The following NCOA2 variants were observed in gnomAD, a reference collection of about 807,000 sequenced individuals.
The protein encoded by NCOA2 is nuclear receptor coactivator 2, also known as class E basic helix-loop-helix protein 75.
In NCOA2, 21 loss-of-function variants were observed where a neutral mutation model predicts 145.1. The ratio of observed to expected loss-of-function variants is 0.14; its 90% CI spans 0.10 to 0.21. The LOEUF is 0.21. Ranked by LOEUF, NCOA2 falls within the 10% of genes least tolerant of loss-of-function variation. The probability of loss-of-function intolerance (pLI) is 1.00; values close to 1 mark genes in which losing one functional copy is unlikely to be tolerated. For missense variants in NCOA2, 1,472 were observed against 1,837.6 expected (o/e 0.80, Z 3.64); for synonymous variants, 619 against 637.5 (o/e 0.97, Z 0.44).
chr8:70,214,193 AG>A (rs1819347444), intron 3 of NCOA2, 118 bp from the exon 4 acceptor site: 2 of 964,030 alleles, frequency 2.1e-6, no homozygotes, highest in Admixed American at 5.4e-5. Context: ...ATATAAACAC[AG>A]AAATACTTTT....
chr8:70,349,343 G>C (rs1268012128), intron 1 of NCOA2, among the ~76,000 whole-genome samples: 1 of 151,900 alleles, frequency 6.6e-6, no homozygotes, highest in African/African-American at 2.4e-5. Context: ...TAATATTCTA[G>C]AGAAACAGAC....
At chr8:70,212,519 T>C (rs1029234822) in intron 4 of NCOA2, among the ~76,000 whole-genome samples, 1 of 152,138 alleles carries the variant, frequency 6.6e-6, no homozygotes, top group Non-Finnish European at 1.5e-5. Context: ...GTGTTGTGAA[T>C]GCTATATGTA....
Position 70,149,366 on chromosome 8 carries a change from C to T in NCOA2, c.2395-883G>A, listed in dbSNP as rs540852599. Reference sequence around the variant, plus strand: ...CCTGCCACCTGAGCCTCCTCAGTAGCTGGGACCACAGGCATGCACCACCAC... The same window carrying T: ...CCTGCCACCTGAGCCTCCTCAGTAGTTGGGACCACAGGCATGCACCACCAC... On this transcript the variant is annotated intron_variant, in intron 11 of 22. Coordinates refer to ENST00000452400, the MANE Select transcript of NCOA2 (RefSeq NM_006540.4). Among the ~76,000 whole-genome samples, 4 of 151,126 alleles carry T rather than the reference C, an allele frequency of 2.6e-5. No homozygotes were observed. The South Asian group carries it at 8.5e-4, about 32-fold the overall frequency.
In NCOA2 at chr8:70,113,426, G is replaced by C. The variant is rs1197324122; in HGVS notation, c.*206C>G. 1.7e-6 allele frequency: 1 copy of C among 601,722 alleles called. No homozygotes were observed. The highest frequency in any genetic ancestry group is 1.9e-5 in the African/African-American group (1 of 53,870). The allele number at this position is 601,722 out of a possible 1,614,324, so 37.3% of individuals were successfully genotyped here. ...ACAGACTGAGCGACTGTCTGGATGCGAGCTTCAGACTGTCAAGAGAAGAGG... is the reference window on the plus strand; with the variant it reads ...ACAGACTGAGCGACTGTCTGGATGCCAGCTTCAGACTGTCAAGAGAAGAGG... On this transcript the variant is annotated 3_prime_UTR_variant, in exon 23 of 23. Transcript: ENST00000452400.
At chr8:70,417,884 C>T in the NCOA2 span, among the ~76,000 whole-genome samples, 1 of 152,174 alleles carries the variant, frequency 6.6e-6, no homozygotes, top group African/African-American at 2.4e-5. Context: ...TCCAGCAGTA[C>T]ATTAACTCCC....
the NCOA2 span, among the ~76,000 whole-genome samples, chr8:70,429,085 C>T: frequency 6.6e-6 from 1 of 152,176 alleles, no homozygotes; most frequent in Non-Finnish European, 1.5e-5. Context: ...CATGCCAAAA[C>T]ATATTTGTCT....
chr8:70,433,936 C>T, the NCOA2 span, among the ~76,000 whole-genome samples: 17,699 of 152,070 alleles, frequency 0.12, 1,155 homozygotes, highest in Middle Eastern at 0.22. Flanking sequence ...GCAGTCTGGT[C>T]CTCTGGAACT....
chr8:70,407,970 A>G (rs1395516947), upstream of NCOA2, among the ~76,000 whole-genome samples: 3 of 152,204 alleles, frequency 2.0e-5, no homozygotes, highest in Admixed American at 6.5e-5. Flanking sequence ...ATACAATTCA[A>G]ATCCTTCATC....
chr8:70,408,775 C>CTTT (rs34645469), upstream of NCOA2, among the ~76,000 whole-genome samples: 311 of 126,250 alleles, frequency 2.5e-3, 3 homozygotes, highest in African/African-American at 8.8e-3. Flanking sequence ...CCACACCCAG[C>CTTT]TTTTTTTTTT....
chr8:70,130,840 T>C (rs1809014456), intron 16 of NCOA2, among the ~76,000 whole-genome samples: 1 of 152,128 alleles, frequency 6.6e-6, no homozygotes, highest in Non-Finnish European at 1.5e-5. Flanking sequence ...TAGAACATGA[T>C]GGTTTTTCTG....
At chr8:70,294,991 G>T (rs1216892452) in intron 2 of NCOA2, among the ~76,000 whole-genome samples, 5 of 152,112 alleles carry the variant, frequency 3.3e-5, no homozygotes, top group African/African-American at 1.2e-4. Flanking sequence ...ATTCTTAAAG[G>T]TCAGACTTAA....
chr8:70,436,478 A>G, the NCOA2 span, among the ~76,000 whole-genome samples: 1 of 152,292 alleles, frequency 6.6e-6, no homozygotes, highest in South Asian at 2.1e-4. Context: ...TTGAATACTG[A>G]GCTACAAATG....
intron 1 of NCOA2, among the ~76,000 whole-genome samples, chr8:70,308,917 T>A (rs545622352): frequency 3.6e-4 from 55 of 152,322 alleles, no homozygotes; most frequent in African/African-American, 1.2e-3. Flanking sequence ...AGAACTGAAG[T>A]GTAACCGCCC....
chr8:70,307,292 A>C (rs1440718710), intron 1 of NCOA2, among the ~76,000 whole-genome samples: 2 of 151,962 alleles, frequency 1.3e-5, no homozygotes, highest in African/African-American at 4.8e-5. Context: ...AGAAAAAAAA[A>C]TTTAAGGCTG....
chr8:70,371,781 A>C (rs1378311748), intron 1 of NCOA2, among the ~76,000 whole-genome samples: 1 of 152,208 alleles, frequency 6.6e-6, no homozygotes, highest in East Asian at 1.9e-4. Flanking sequence ...CACTTACAGC[A>C]ACAGTTTCCT....
At chr8:70,351,515 T>C (rs777008515) in intron 1 of NCOA2, among the ~76,000 whole-genome samples, 19 of 152,102 alleles carry the variant, frequency 1.2e-4, no homozygotes, top group Non-Finnish European at 2.2e-4. Context: ...TATCAACCAA[T>C]TTCAATAATT....
intron 2 of NCOA2, among the ~76,000 whole-genome samples, chr8:70,220,234 AC>A (rs1024634213): frequency 6.6e-6 from 1 of 152,212 alleles, no homozygotes; most frequent in Non-Finnish European, 1.5e-5. Context: ...ATTTCTGCAC[AC>A]TCACATGAAA....
At chr8:70,430,997 C>T in the NCOA2 span, among the ~76,000 whole-genome samples, 1 of 152,102 alleles carries the variant, frequency 6.6e-6, no homozygotes, top group Non-Finnish European at 1.5e-5. Context: ...TCAAAACAAG[C>T]TGTATGTTGG....
intron 15 of NCOA2, among the ~76,000 whole-genome samples, chr8:70,133,611 T>C (rs1809408895): frequency 6.6e-6 from 1 of 152,360 alleles, no homozygotes; most frequent in South Asian, 2.1e-4. Context: ...GTCTATTTTG[T>C]ACTCTTAGAG....
Sources: allele counts gnomAD v4.1 joint callset (sites outside exome capture counted in the v4.1 genomes callset), GRCh38; gene constraint gnomAD v4.1.1; transcripts MANE v1.5; gene names NCBI Gene and HGNC (gene_info 2026-07-23, HGNC 2026-07-21).